The following NRXN3 variants were observed in gnomAD, a reference collection of about 807,000 sequenced individuals.
NRXN3 encodes the protein neurexin 3, also known as neurexin III.
In NRXN3, 32 loss-of-function variants were observed where a neutral mutation model predicts 137.6. The observed-to-expected ratio is 0.23, with a 90% CI of 0.18 to 0.31. NRXN3 has a LOEUF of 0.31. NRXN3 is among the 10% of genes least tolerant of loss of function. NRXN3 has a pLI of 1.00. For missense variants in NRXN3, 1,574 were observed against 2,062.5 expected (o/e 0.76, Z 4.59); for synonymous variants, 798 against 784.5 (o/e 1.02, Z -0.29).
At chr14:79,754,049 C>T (rs542265907) in intron 19 of NRXN3, among the ~76,000 whole-genome samples, 41 of 152,074 alleles carry the variant, frequency 2.7e-4, no homozygotes, top group African/African-American at 9.9e-4. Context: ...GGCATGGGGG[C>T]AGTGGCTCAT....
chr14:79,149,012 A>G (rs979172658), intron 15 of NRXN3, among the ~76,000 whole-genome samples: 2 of 152,086 alleles, frequency 1.3e-5, no homozygotes, highest in Non-Finnish European at 2.9e-5. Flanking sequence ...CCATCCCCAC[A>G]TTCTCCTCAA....
At chr14:79,143,852 T>C (rs1171669848) in intron 15 of NRXN3, among the ~76,000 whole-genome samples, 1 of 152,224 alleles carries the variant, frequency 6.6e-6, no homozygotes, top group African/African-American at 2.4e-5. Flanking sequence ...AGTTGTGTGT[T>C]TCTACTGAAG....
At chr14:79,844,089 T>C (rs1351077407) in intron 20 of NRXN3, among the ~76,000 whole-genome samples, 1 of 152,114 alleles carries the variant, frequency 6.6e-6, no homozygotes, top group African/African-American at 2.4e-5. Context: ...TTGTTCCCTT[T>C]TATGGCTGAA....
chr14:79,345,464 T>A (rs1278813718), intron 15 of NRXN3, among the ~76,000 whole-genome samples: 1 of 152,156 alleles, frequency 6.6e-6, no homozygotes. Context: ...ATGATGAGGT[T>A]TTGAGAAAAG....
At chr14:79,687,683 G>A (rs1390241372) in intron 17 of NRXN3, among the ~76,000 whole-genome samples, 1 of 152,050 alleles carries the variant, frequency 6.6e-6, no homozygotes, top group East Asian at 1.9e-4. Flanking sequence ...GCATGTCCAC[G>A]TGCTTGACAA....
intron 19 of NRXN3, among the ~76,000 whole-genome samples, chr14:79,800,271 ACT>A (rs1050009593): frequency 6.6e-6 from 1 of 152,204 alleles, no homozygotes; most frequent in Admixed American, 6.5e-5. Context: ...CTAAAGCAAC[ACT>A]GTTTCCTGGA....
intron 15 of NRXN3, among the ~76,000 whole-genome samples, chr14:79,448,494 G>T (rs974548225): frequency 1.9e-4 from 29 of 152,178 alleles, no homozygotes; most frequent in African/African-American, 7.0e-4. Flanking sequence ...CCAGAAAAGG[G>T]TCTAGCATAT....
intron 19 of NRXN3, chr14:79,760,507 C>G (rs1204433163): frequency 7.4e-6 from 1 of 135,258 alleles, no homozygotes; most frequent in African/African-American, 2.8e-5. Context: ...GTTACAAAGA[C>G]AAGAAGAAAA....
intron 15 of NRXN3, among the ~76,000 whole-genome samples, chr14:78,991,489 T>C (rs1378405686): frequency 6.6e-6 from 1 of 152,206 alleles, no homozygotes; most frequent in East Asian, 1.9e-4. Context: ...GGAAAAATGG[T>C]TATGGATATC....
intron 1 of NRXN3, among the ~76,000 whole-genome samples, chr14:78,213,444 C>T (rs1252385417): frequency 2.6e-5 from 4 of 151,846 alleles, no homozygotes. Context: ...ACACCTGACT[C>T]CAGTGAAAGG....
chr14:79,479,291 C>G (rs2096586212), intron 16 of NRXN3, among the ~76,000 whole-genome samples: 1 of 151,838 alleles, frequency 6.6e-6, no homozygotes, highest in Non-Finnish European at 1.5e-5. Flanking sequence ...ATTGTCCAGG[C>G]AGTATGTTAG....
intron 14 of NRXN3, among the ~76,000 whole-genome samples, chr14:78,984,435 A>T (rs17108457): frequency 0.18 from 27,716 of 152,186 alleles, 3,787 homozygotes; most frequent in East Asian, 0.46. Flanking sequence ...GAAGAGTAAA[A>T]GTTCTGCTAA....
rs576162203 is a variant in NRXN3 at position 79,131,617 on chromosome 14, A to T, written c.3262+143476A>T. Among the ~76,000 whole-genome samples, 458 of 152,316 alleles carry T rather than the reference A, an allele frequency of 3.0e-3. 2 individuals are homozygous for T. Among genetic ancestry groups the T allele is most frequent in the African/African-American group, 0.01 (416 of 41,580 alleles). ...AGGGTCATTTAAGTCTGCAGAGGTT[A>T]CTGCTGTCTTTTTGTTTGTCTGTGC... On this transcript the variant is annotated intron_variant, in intron 15 of 20. Transcript: ENST00000335750.
chr14:78,456,799 C>CTCTTTTTCTT (rs1555539842), intron 4 of NRXN3, among the ~76,000 whole-genome samples: 4 of 97,620 alleles, frequency 4.1e-5, no homozygotes, highest in African/African-American at 1.4e-4. Context: ...CTCTCTTTCT[C>CTCTTTTTCTT]TCTTTCTTTC....
At chr14:78,388,889 A>G (rs2090364668) in intron 4 of NRXN3, among the ~76,000 whole-genome samples, 1 of 152,020 alleles carries the variant, frequency 6.6e-6, no homozygotes, top group African/African-American at 2.4e-5. Flanking sequence ...TTAATATACC[A>G]TACTTCAATT....
At chr14:79,073,032 G>A (rs2099690145) in intron 15 of NRXN3, among the ~76,000 whole-genome samples, 1 of 151,830 alleles carries the variant, frequency 6.6e-6, no homozygotes, top group South Asian at 2.1e-4. Flanking sequence ...AATTACAGGT[G>A]CCCACCACCA....
rs199502226 is a variant in NRXN3, at chr14:79,492,375, C to CT, written c.3444+24983dup. ...TCAGTTTTAGTGCTAACGTATCAAT[C>CT]TTTTTTTTTTGGTGGGCGGGGGATG... On this transcript the variant is annotated intron_variant, in intron 16 of 20. Coordinates refer to ENST00000335750, the MANE Select transcript of NRXN3 (RefSeq NM_001330195.2). Among the ~76,000 whole-genome samples, 1,333 of 147,978 alleles carry CT rather than the reference C, an allele frequency of 9.0e-3. 10 individuals carry two copies. Among genetic ancestry groups the CT allele is most frequent in the African/African-American group, 0.018 (735 of 40,522 alleles).
At chr14:79,729,391 C>T (rs2154070561) in intron 19 of NRXN3, among the ~76,000 whole-genome samples, 1 of 152,256 alleles carries the variant, frequency 6.6e-6, no homozygotes, top group East Asian at 1.9e-4. Context: ...ATTAAGGCCA[C>T]ACCTGTCTGC....
At chr14:79,443,369 A>C (rs1217610221) in intron 15 of NRXN3, among the ~76,000 whole-genome samples, 1 of 152,150 alleles carries the variant, frequency 6.6e-6, no homozygotes, top group Non-Finnish European at 1.5e-5. Flanking sequence ...TGGCACCTCT[A>C]TTAGATCTGG....
Sources: gnomAD v4.1 joint callset for allele counts (sites outside exome capture counted in the v4.1 genomes callset) on GRCh38, gnomAD v4.1.1 for gene constraint, MANE v1.5 for transcripts, NCBI Gene and HGNC (gene_info 2026-07-23, HGNC 2026-07-21) for gene names.